ABTB3: variants seen among roughly 807,000 people sequenced by gnomAD.
ABTB3 encodes the protein ankyrin repeat- and BTB/POZ domain-containing protein 3.
the ABTB3 span, among the ~76,000 whole-genome samples, chr12:107,518,088 G>A: frequency 1.4e-4 from 21 of 152,178 alleles, no homozygotes; most frequent in Non-Finnish European, 1.0e-4. Context: ...TTAGAATGGC[G>A]ATCATTAAAA....
chr12:107,548,909 T>C, the ABTB3 span, among the ~76,000 whole-genome samples: 1 of 152,146 alleles, frequency 6.6e-6, no homozygotes, highest in African/African-American at 2.4e-5. Flanking sequence ...AATAGTAGGA[T>C]AAATGGGAGT....
the ABTB3 span, among the ~76,000 whole-genome samples, chr12:107,405,879 T>A: frequency 2.0e-5 from 3 of 152,210 alleles, no homozygotes; most frequent in Non-Finnish European, 2.9e-5. Context: ...CCTCACCAGC[T>A]CCATCTTGGG....
chr12:107,630,375 A>G, the ABTB3 span, among the ~76,000 whole-genome samples: 2 of 152,190 alleles, frequency 1.3e-5, no homozygotes, highest in Non-Finnish European at 2.9e-5. Flanking sequence ...GATGAAGTGT[A>G]GGGAGCCCCC....
At chr12:107,497,969 G>A in the ABTB3 span, among the ~76,000 whole-genome samples, 1 of 152,142 alleles carries the variant, frequency 6.6e-6, no homozygotes, top group African/African-American at 2.4e-5. Context: ...TGAGTCTGAG[G>A]CACATCCTGG....
At chr12:107,423,855 T>A in the ABTB3 span, among the ~76,000 whole-genome samples, 1 of 152,230 alleles carries the variant, frequency 6.6e-6, no homozygotes, top group Non-Finnish European at 1.5e-5. Context: ...TAACAGTTCC[T>A]CCACTACCTC....
At chr12:107,366,917 A>G in the ABTB3 span, among the ~76,000 whole-genome samples, 2 of 152,296 alleles carry the variant, frequency 1.3e-5, no homozygotes, top group Admixed American at 1.3e-4. Context: ...AGAGACCTGC[A>G]TCACTTCCTA....
At chr12:107,319,284 G>A in the ABTB3 span, 1 of 1,545,098 alleles carries the variant, frequency 6.5e-7, no homozygotes. Flanking sequence ...CGGGATCCCC[G>A]GGCAGGCCCG....
the ABTB3 span, among the ~76,000 whole-genome samples, chr12:107,411,315 T>A: frequency 2.6e-5 from 4 of 152,170 alleles, no homozygotes; most frequent in African/African-American, 7.2e-5. Flanking sequence ...CCAAAAAAAA[T>A]TTAATTAATT....
At chr12:107,619,946 C>A in the ABTB3 span, 15 of 1,536,582 alleles carry the variant, frequency 9.8e-6, no homozygotes, top group Non-Finnish European at 1.3e-5. Context: ...TCTCTCTCCC[C>A]CTCCCCTGCC....
the ABTB3 span, among the ~76,000 whole-genome samples, chr12:107,531,865 C>T: frequency 6.6e-6 from 1 of 152,160 alleles, no homozygotes; most frequent in African/African-American, 2.4e-5. Flanking sequence ...GCTAACATCT[C>T]CCACATCCAC....
chr12:107,492,993 C>T, the ABTB3 span, among the ~76,000 whole-genome samples: 1 of 151,126 alleles, frequency 6.6e-6, no homozygotes, highest in Non-Finnish European at 1.5e-5. Context: ...CTGTTAGGAC[C>T]AGAATGACAC....
At chr12:107,571,922 CT>C in the ABTB3 span, among the ~76,000 whole-genome samples, 2 of 152,166 alleles carry the variant, frequency 1.3e-5, no homozygotes, top group African/African-American at 4.8e-5. Context: ...TGGTCTCAGC[CT>C]TTGGTCGGCA....
the ABTB3 span, among the ~76,000 whole-genome samples, chr12:107,607,336 A>G: frequency 6.6e-6 from 1 of 152,198 alleles, no homozygotes; most frequent in Non-Finnish European, 1.5e-5. Flanking sequence ...TCTGTGCCCT[A>G]GAAGCTCAGG....
At chr12:107,481,356 T>C in the ABTB3 span, among the ~76,000 whole-genome samples, 1 of 152,130 alleles carries the variant, frequency 6.6e-6, no homozygotes, top group South Asian at 2.1e-4. Flanking sequence ...CAGGAATGGA[T>C]ATAGGCCTGA....
the ABTB3 span, chr12:107,319,974 A>C: frequency 6.3e-7 from 1 of 1,583,120 alleles, no homozygotes; most frequent in Non-Finnish European, 8.6e-7. Flanking sequence ...GAGGCGCCCA[A>C]GTTCACCGTG....
the ABTB3 span, among the ~76,000 whole-genome samples, chr12:107,530,104 A>G: frequency 1.3e-5 from 2 of 152,168 alleles, no homozygotes; most frequent in African/African-American, 4.8e-5. Flanking sequence ...AGGTGGGAAA[A>G]CAAGAACAGA....
At chr12:107,478,530 A>G in the ABTB3 span, among the ~76,000 whole-genome samples, 7 of 152,220 alleles carry the variant, frequency 4.6e-5, no homozygotes, top group Admixed American at 4.6e-4. Flanking sequence ...AATTAAAGAA[A>G]AGAATTAATT....
the ABTB3 span, among the ~76,000 whole-genome samples, chr12:107,467,736 C>T: frequency 1.4e-4 from 21 of 152,144 alleles, no homozygotes; most frequent in African/African-American, 5.1e-4. Flanking sequence ...TTTTTTCCTG[C>T]CTATCTCTGT....
the ABTB3 span, among the ~76,000 whole-genome samples, chr12:107,357,406 G>A: frequency 6.6e-6 from 1 of 152,054 alleles, no homozygotes; most frequent in Non-Finnish European, 1.5e-5. Flanking sequence ...CCAGGAGTTC[G>A]AGATGAGCCT....
Sources: allele counts gnomAD v4.1 joint callset (sites outside exome capture counted in the v4.1 genomes callset), GRCh38; gene constraint gnomAD v4.1.1; transcripts MANE v1.5; gene names NCBI Gene and HGNC (gene_info 2026-07-23, HGNC 2026-07-21).